The following RARB variants were observed in gnomAD, a reference collection of about 807,000 sequenced individuals.
RARB encodes the protein retinoic acid receptor beta.
RARB carries 17 observed loss-of-function variants against 51.9 expected under a neutral mutation model. That is an observed-to-expected ratio of 0.33 (90% CI 0.22 to 0.49). The LOEUF (loss-of-function observed/expected upper bound fraction) is 0.49. Ranked by LOEUF, RARB falls within the 20% of genes least tolerant of loss-of-function variation. The pLI is 0.99. For synonymous variants in RARB, 215 were observed against 195.4 expected, an observed-to-expected ratio of 1.10 and a Z score of -0.84; for missense variants, 369 against 550.8, an observed-to-expected ratio of 0.67 and a Z score of 3.30.
At chr3:24,905,995 G>T (rs1206020178) in intron 2 of RARB, among the ~76,000 whole-genome samples, 1 of 152,150 alleles carries the variant, frequency 6.6e-6, no homozygotes, top group Non-Finnish European at 1.5e-5. Context: ...AGTCTGTTAT[G>T]CACAAGGCAT....
intron 3 of RARB, among the ~76,000 whole-genome samples, chr3:25,124,757 G>A (rs1699835274): frequency 6.6e-6 from 1 of 152,160 alleles, no homozygotes; most frequent in African/African-American, 2.4e-5. Flanking sequence ...TTGATTTATG[G>A]TCCTTATTTG....
chr3:25,423,994 G>T (rs182433579), upstream of RARB, among the ~76,000 whole-genome samples: 208 of 152,272 alleles, frequency 1.4e-3, no homozygotes, highest in African/African-American at 4.9e-3. Flanking sequence ...AAGCACTAAA[G>T]AAAATAATTC....
chr3:25,431,988 T>C (rs576025324), intron 1 of RARB, among the ~76,000 whole-genome samples: 2 of 152,224 alleles, frequency 1.3e-5, no homozygotes, highest in East Asian at 1.9e-4. Flanking sequence ...ACCGTATGAA[T>C]TGAATGGGGT....
intron 2 of RARB, among the ~76,000 whole-genome samples, chr3:25,032,297 C>T (rs1697892492): frequency 6.6e-6 from 1 of 152,182 alleles, no homozygotes; most frequent in Non-Finnish European, 1.5e-5. Context: ...CCACCTTCCC[C>T]TTACCTAAGA....
intron 2 of RARB, among the ~76,000 whole-genome samples, chr3:24,903,092 T>C (rs1273268662): frequency 1.3e-5 from 2 of 152,048 alleles, no homozygotes; most frequent in African/African-American, 4.8e-5. Flanking sequence ...TTATGAAAAA[T>C]CTCCAAGTAG....
At chr3:25,416,653 A>AAT (rs1707712515) in intron 5 of RARB, among the ~76,000 whole-genome samples, 1 of 152,250 alleles carries the variant, frequency 6.6e-6, no homozygotes, top group African/African-American at 2.4e-5. Flanking sequence ...CAGCAAAGAC[A>AAT]ATATGTAAAC....
At chr3:25,458,084 TCAACATG>T (rs925956133) in intron 1 of RARB, among the ~76,000 whole-genome samples, 1 of 152,202 alleles carries the variant, frequency 6.6e-6, no homozygotes, top group African/African-American at 2.4e-5. Flanking sequence ...AGTCAGTTTA[TCAACATG>T]CATTAAAAAC....
intron 1 of RARB, among the ~76,000 whole-genome samples, chr3:24,842,621 T>C (rs1327803169): frequency 6.6e-6 from 1 of 152,218 alleles, no homozygotes; most frequent in African/African-American, 2.4e-5. Flanking sequence ...TGGGTACTTT[T>C]TCGAGGTCAC....
chr3:24,969,015 C>T (rs1575096929), intron 2 of RARB, among the ~76,000 whole-genome samples: 2 of 151,780 alleles, frequency 1.3e-5, no homozygotes, highest in South Asian at 4.2e-4. Context: ...AGACTTTCTA[C>T]AATCAAGTTA....
chr3:25,506,867 A>G (rs143991360), intron 3 of RARB, among the ~76,000 whole-genome samples: 223 of 152,324 alleles, frequency 1.5e-3, no homozygotes, highest in African/African-American at 5.3e-3. Flanking sequence ...CTCCCCTACC[A>G]GTAGACACAC....
chr3:25,306,607 A>G (rs895850154), intron 5 of RARB, among the ~76,000 whole-genome samples: 1 of 152,072 alleles, frequency 6.6e-6, no homozygotes, highest in African/African-American at 2.4e-5. Flanking sequence ...AAACATATTG[A>G]TTTTCTGGCA....
chr3:25,208,907 G>A (rs561804660), intron 5 of RARB, among the ~76,000 whole-genome samples: 4 of 152,170 alleles, frequency 2.6e-5, no homozygotes, highest in East Asian at 1.9e-4. Context: ...TTCCTCTTAC[G>A]AAGGAACTCT....
chr3:25,119,404 A>T (rs1699742687), intron 3 of RARB, among the ~76,000 whole-genome samples: 1 of 152,138 alleles, frequency 6.6e-6, no homozygotes. Context: ...CTGTAAGATG[A>T]ATGAAGTAGT....
At chr3:25,263,900 A>G (rs1186516729) in intron 5 of RARB, among the ~76,000 whole-genome samples, 1 of 152,114 alleles carries the variant, frequency 6.6e-6, no homozygotes, top group Non-Finnish European at 1.5e-5. Flanking sequence ...GAAGGGGGAG[A>G]GCCCTTTAAG....
At position 25,285,222 on chromosome 3, in the gene RARB, G is replaced by C. The variant is rs114821571; in HGVS notation, c.178+110647G>C. On this transcript the variant is annotated intron_variant, in intron 5 of 11. Coordinates refer to the RARB transcript ENST00000383772. Reference sequence around the variant, plus strand: ...AGCAAAGGAGTTTGACCCATACTGAGGTAGAGTTAGACAAAGCTCCACTGA... The same window carrying C: ...AGCAAAGGAGTTTGACCCATACTGACGTAGAGTTAGACAAAGCTCCACTGA... 9.4e-3 allele frequency among the ~76,000 whole-genome samples: 1,424 copies of C among 152,268 alleles called. 18 individuals carry two copies. Among genetic ancestry groups the C allele is most frequent in the African/African-American group, 0.033 (1,351 of 41,542 alleles).
chr3:25,317,312 A>G (rs538789640), intron 5 of RARB, among the ~76,000 whole-genome samples: 7 of 152,232 alleles, frequency 4.6e-5, no homozygotes, highest in African/African-American at 1.4e-4. Flanking sequence ...GGAGGAAGGA[A>G]GCGAAGGTAG....
chr3:25,397,384 C>T (rs946255679), intron 5 of RARB, among the ~76,000 whole-genome samples: 3 of 152,252 alleles, frequency 2.0e-5, no homozygotes, highest in East Asian at 3.9e-4. Flanking sequence ...CAGAGTTTTT[C>T]GGCTGTCCCA....
intron 2 of RARB, among the ~76,000 whole-genome samples, chr3:25,477,230 A>G (rs1695997303): frequency 6.6e-6 from 1 of 152,148 alleles, no homozygotes; most frequent in African/African-American, 2.4e-5. Context: ...TGAGATTCAG[A>G]GGTATGCAGA....
At chr3:25,582,219 T>G (rs1343766680) in intron 5 of RARB, among the ~76,000 whole-genome samples, 1 of 152,190 alleles carries the variant, frequency 6.6e-6, no homozygotes, top group South Asian at 2.1e-4. Flanking sequence ...TGAAAATTAC[T>G]GGGCCTTTTA....
Sources: allele counts gnomAD v4.1 joint callset (sites outside exome capture counted in the v4.1 genomes callset), GRCh38; gene constraint gnomAD v4.1.1; transcripts MANE v1.5; gene names NCBI Gene and HGNC (gene_info 2026-07-23, HGNC 2026-07-21).